Variants in TSPAN9 observed in about 807,000 individuals in gnomAD.
The protein encoded by TSPAN9 is tetraspanin-9.
A neutral mutation model predicts 31.0 loss-of-function variants in TSPAN9; 16 were observed. The ratio of observed to expected loss-of-function variants is 0.52; its 90% CI spans 0.35 to 0.78. TSPAN9 has a LOEUF of 0.78. Among genes scored for constraint, TSPAN9 ranks in the 30% least tolerant of loss-of-function variants. TSPAN9 has a pLI of 0.01. For missense variants in TSPAN9, 272 were observed against 312.5 expected (o/e 0.87, Z 0.98); for synonymous variants, 145 against 121.6 (o/e 1.19, Z -1.27).
rs2098384424 is a variant in TSPAN9, at chr12:3,221,352, A to AAT, written c.63+20096_63+20097insAT. Reference sequence around the variant, plus strand: ...AGATAAGTTATTTTTTATTTAAAATATTTTTCTCTTTTTTTTTTTTTTTTA... The same window carrying AAT: ...AGATAAGTTATTTTTTATTTAAAATAATTTTTTCTCTTTTTTTTTTTTTTTTA... On this transcript the variant is annotated intron_variant, in intron 3 of 8. Transcript: ENST00000011898. 5.3e-5 allele frequency among the ~76,000 whole-genome samples: 7 copies of AAT among 131,712 alleles called. No individual in the cohort carries two copies. In the East Asian group the frequency reaches 1.3e-3, roughly 24 times the overall value. The allele number at this position is 131,712 out of a possible 152,430, so 86.4% of individuals were successfully genotyped here. A position where few individuals can be genotyped will look rare whatever the true frequency, so the allele number is the denominator to read the frequency against.
At chr12:3,126,033 C>CT (rs1215128933) in intron 2 of TSPAN9, among the ~76,000 whole-genome samples, 2 of 152,124 alleles carry the variant, frequency 1.3e-5, no homozygotes, top group Non-Finnish European at 2.9e-5. Flanking sequence ...AAATGCTCTC[C>CT]TATAGTGGTT....
At chr12:3,153,012 A>G (rs73243044) in intron 2 of TSPAN9, among the ~76,000 whole-genome samples, 4,251 of 152,328 alleles carry the variant, frequency 0.028, 207 homozygotes, top group African/African-American at 0.097. Flanking sequence ...ATCTGTGCTC[A>G]GTGCGAACGC....
rs555870736 is a variant in TSPAN9 at position 3,138,193 on chromosome 12, C to A, written c.-18+54474C>A. Reference sequence around the variant, plus strand: ...GTGATTTTTCCACCCCTGGGCTGGCCCCTCTGCCTGGGGCGGGTGTAGCTG... The same window carrying A: ...GTGATTTTTCCACCCCTGGGCTGGCACCTCTGCCTGGGGCGGGTGTAGCTG... On this transcript the variant is annotated intron_variant, in intron 2 of 8. Coordinates refer to ENST00000011898, the MANE Select transcript of TSPAN9 (RefSeq NM_006675.5). Among the ~76,000 whole-genome samples, 74 of 152,322 alleles carry A rather than the reference C, an allele frequency of 4.9e-4. No homozygotes were observed. In the South Asian group the frequency reaches 5.4e-3, roughly 11 times the overall value.
At chr12:3,232,744 G>A (rs936222010) in intron 3 of TSPAN9, among the ~76,000 whole-genome samples, 7 of 152,192 alleles carry the variant, frequency 4.6e-5, no homozygotes, top group Non-Finnish European at 4.4e-5. Flanking sequence ...GCATGGGTCT[G>A]GCGCAGCCCT....
intron 3 of TSPAN9, among the ~76,000 whole-genome samples, chr12:3,204,378 G>A (rs1413277780): frequency 6.6e-6 from 1 of 152,200 alleles, no homozygotes; most frequent in Non-Finnish European, 1.5e-5. Flanking sequence ...ACTGGGCGGA[G>A]CTTCTAGGGT....
chr12:3,126,817 A>T (rs1264980709), intron 2 of TSPAN9, among the ~76,000 whole-genome samples: 1 of 152,092 alleles, frequency 6.6e-6, no homozygotes, highest in African/African-American at 2.4e-5. Context: ...GAGGTGGAGG[A>T]GGCTGCAATG....
intron 3 of TSPAN9, among the ~76,000 whole-genome samples, chr12:3,274,493 C>T (rs1331021948): frequency 1.3e-5 from 2 of 152,266 alleles, no homozygotes; most frequent in Non-Finnish European, 1.5e-5. Context: ...CAGTGGGGGC[C>T]GTGATCTGGA....
chr12:3,193,848 TTC>T (rs1465303194), intron 2 of TSPAN9, among the ~76,000 whole-genome samples: 3 of 152,238 alleles, frequency 2.0e-5, no homozygotes, highest in African/African-American at 7.2e-5. Flanking sequence ...TTATCTGTCC[TTC>T]TGTCTGTCCA....
chr12:3,154,839 C>A (rs1010484263), intron 2 of TSPAN9, among the ~76,000 whole-genome samples: 1 of 152,256 alleles, frequency 6.6e-6, no homozygotes, highest in African/African-American at 2.4e-5. Context: ...TGACTGCCTG[C>A]ATGCCCAGTC....
intron 2 of TSPAN9, among the ~76,000 whole-genome samples, chr12:3,115,866 C>T (rs899029749): frequency 6.6e-6 from 1 of 152,206 alleles, no homozygotes; most frequent in Non-Finnish European, 1.5e-5. Context: ...GACTTCCAGA[C>T]TGTTTTCCAA....
chr12:3,243,482 T>C (rs1229601730), intron 3 of TSPAN9, among the ~76,000 whole-genome samples: 1 of 152,178 alleles, frequency 6.6e-6, no homozygotes, highest in African/African-American at 2.4e-5. Flanking sequence ...AGCCCCTCAC[T>C]CTTCCCATCA....
intron 3 of TSPAN9, among the ~76,000 whole-genome samples, chr12:3,223,237 C>T (rs1464735006): frequency 3.9e-5 from 6 of 152,216 alleles, no homozygotes; most frequent in African/African-American, 1.4e-4. Flanking sequence ...GTGCTGTAGT[C>T]GTCATCCTTG....
At position 3,283,205 on chromosome 12, in the gene TSPAN9, T is replaced by C; in HGVS notation, c.*89T>C. On this transcript the variant is annotated 3_prime_UTR_variant, in exon 9 of 9. Transcript: ENST00000011898. Reference sequence around the variant, plus strand: ...GTGTCACCTGCCTGCGCTCTCCAGATATGACCCCTGCACCCACCCCCCACA... The same window carrying C: ...GTGTCACCTGCCTGCGCTCTCCAGACATGACCCCTGCACCCACCCCCCACA... 1 of 1,415,822 alleles carries C rather than the reference T, an allele frequency of 7.1e-7. No homozygotes were observed. The highest frequency in any genetic ancestry group is 1.2e-5 in the South Asian group (1 of 83,442). The allele number at this position is 1,415,822 out of a possible 1,614,324, so 87.7% of individuals were successfully genotyped here.
At chr12:3,087,384 T>A (rs1461083494) in intron 2 of TSPAN9, among the ~76,000 whole-genome samples, 1 of 152,084 alleles carries the variant, frequency 6.6e-6, no homozygotes, top group Non-Finnish European at 1.5e-5. Context: ...GTAATCAGTG[T>A]GTGCCTGTAG....
intron 2 of TSPAN9, among the ~76,000 whole-genome samples, chr12:3,188,214 A>G (rs966215407): frequency 3.3e-5 from 5 of 151,952 alleles, no homozygotes; most frequent in Non-Finnish European, 7.3e-5. Flanking sequence ...ACTGATGAGG[A>G]AACAGAGGCA....
intron 3 of TSPAN9, among the ~76,000 whole-genome samples, chr12:3,220,848 A>G (rs904230519): frequency 5.3e-5 from 8 of 152,118 alleles, no homozygotes; most frequent in African/African-American, 1.9e-4. Flanking sequence ...TTCAGAGGAC[A>G]GGGCCCTTCC....
intron 3 of TSPAN9, among the ~76,000 whole-genome samples, chr12:3,260,927 T>G (rs1862437518): frequency 1.3e-5 from 2 of 152,164 alleles, no homozygotes; most frequent in Non-Finnish European, 2.9e-5. Context: ...ATGATGAGCC[T>G]CTAGAGGCCT....
intron 3 of TSPAN9, among the ~76,000 whole-genome samples, chr12:3,254,956 G>A (rs1862317911): frequency 6.6e-6 from 1 of 152,182 alleles, no homozygotes; most frequent in Admixed American, 6.5e-5. Flanking sequence ...GTATTTGTCG[G>A]TTTCCAGGGG....
intron 3 of TSPAN9, among the ~76,000 whole-genome samples, chr12:3,258,472 G>A (rs897462248): frequency 1.3e-5 from 2 of 152,312 alleles, no homozygotes; most frequent in Non-Finnish European, 2.9e-5. Context: ...AATGTCTCTG[G>A]CCTGGGTCAT....
Sources: allele counts gnomAD v4.1 joint callset (sites outside exome capture counted in the v4.1 genomes callset), GRCh38; gene constraint gnomAD v4.1.1; transcripts MANE v1.5; gene names NCBI Gene and HGNC (gene_info 2026-07-23, HGNC 2026-07-21).